Variants in KATNIP observed in about 807,000 individuals in gnomAD.
The protein encoded by KATNIP is katanin-interacting protein.
Under a neutral mutation model 174.0 loss-of-function variants are expected in KATNIP, and 126 were observed. The ratio of observed to expected loss-of-function variants is 0.72; its 90% CI spans 0.63 to 0.84. The LOEUF is 0.84. Ranked by LOEUF, KATNIP falls within the 40% of genes least tolerant of loss-of-function variation. The pLI, the probability that KATNIP is intolerant of heterozygous loss-of-function variation, is 0.00. For synonymous variants in KATNIP, 810 were observed against 835.7 expected (o/e 0.97, Z 0.53); for missense variants, 1,958 against 2,109.7 (o/e 0.93, Z 1.41).
chr16:27,592,023 A>G (rs545112508), intron 2 of KATNIP, among the ~76,000 whole-genome samples: 1 of 152,176 alleles, frequency 6.6e-6, no homozygotes, highest in Non-Finnish European at 1.5e-5. Flanking sequence ...ATCCGCCAAC[A>G]TAATAAACAG....
chr16:27,747,372 G>A (rs1272853483), intron 15 of KATNIP, among the ~76,000 whole-genome samples: 1 of 152,064 alleles, frequency 6.6e-6, no homozygotes, highest in Non-Finnish European at 1.5e-5. Context: ...CGGATGCAAA[G>A]GCCAGAAAGC....
intron 14 of KATNIP, among the ~76,000 whole-genome samples, chr16:27,730,831 G>A (rs2080648610): frequency 6.6e-6 from 1 of 152,188 alleles, no homozygotes; most frequent in Non-Finnish European, 1.5e-5. Flanking sequence ...CCTGCAATGT[G>A]TTCGGTTTTG....
rs147002368 is a variant in KATNIP, at chr16:27,592,551, G to A, written c.63+18595G>A. On this transcript the variant is annotated intron_variant, in intron 2 of 27. Transcript: ENST00000261588. Reference sequence around the variant, plus strand: ...GAAGATCACTTGAGCCCAGGATGTCGAGACTGCAGTGAGCTGAGATCACGC... The same window carrying A: ...GAAGATCACTTGAGCCCAGGATGTCAAGACTGCAGTGAGCTGAGATCACGC... 7.3e-3 allele frequency among the ~76,000 whole-genome samples: 1,106 copies of A among 152,014 alleles called. 11 individuals are homozygous for A. The highest frequency in any genetic ancestry group is 0.025 in the South Asian group (121 of 4,804).
intron 2 of KATNIP, among the ~76,000 whole-genome samples, chr16:27,608,232 T>C (rs1348770545): frequency 1.4e-5 from 2 of 142,958 alleles, no homozygotes; most frequent in African/African-American, 5.2e-5. Flanking sequence ...AATTCTTTTT[T>C]TTTTTTTTTT....
rs749744760 is a variant in KATNIP at position 27,778,584 on chromosome 16, C to T, written c.4812C>T (p.Pro1604=). The T allele has an allele frequency of 9.9e-6, 16 of 1,613,614 alleles. No homozygotes were observed. In the Admixed American group the frequency reaches 2.0e-4, roughly 20 times the overall value. The change falls in exon 28 of 28, where the codon CCC becomes CCT. Residue 1604 remains proline (P), a synonymous_variant. Coordinates refer to ENST00000261588, the MANE Select transcript of KATNIP (RefSeq NM_015202.5). ...KQSVVDPALR[P]KTCISEKETR... is the part of the protein sequence containing the mutation. Reference sequence around the variant, plus strand: ...TCCCTGTCATGACAGCCTTACGTCCCAAAACCTGCATCAGCGAGAAGGAGA... The same window carrying T: ...TCCCTGTCATGACAGCCTTACGTCCTAAAACCTGCATCAGCGAGAAGGAGA...
chr16:27,751,578 A>T, intron 16 of KATNIP, 141 bp from the exon 17 acceptor site: 1 of 689,874 alleles, frequency 1.4e-6, no homozygotes, highest in Non-Finnish European at 2.5e-6. Context: ...ATCTGTGAAG[A>T]CTAATAAGGC....
At chr16:27,604,100 T>C (rs1298678336) in intron 2 of KATNIP, among the ~76,000 whole-genome samples, 1 of 152,114 alleles carries the variant, frequency 6.6e-6, no homozygotes, top group Non-Finnish European at 1.5e-5. Flanking sequence ...TATTTTAATT[T>C]AAAAAACTGA....
At chr16:27,728,698 G>A (rs559836663) in intron 14 of KATNIP, among the ~76,000 whole-genome samples, 2 of 152,194 alleles carry the variant, frequency 1.3e-5, no homozygotes, top group Non-Finnish European at 2.9e-5. Context: ...CCAAAGTGCT[G>A]GGATTTACAG....
chr16:27,634,037 C>T (rs1444671338), intron 5 of KATNIP, among the ~76,000 whole-genome samples: 1 of 152,216 alleles, frequency 6.6e-6, no homozygotes, highest in Non-Finnish European at 1.5e-5. Flanking sequence ...CTTCACTTCT[C>T]ACTTAAGACA....
chr16:27,654,235 C>G (rs2077199902), intron 6 of KATNIP, among the ~76,000 whole-genome samples: 1 of 152,224 alleles, frequency 6.6e-6, no homozygotes, highest in Non-Finnish European at 1.5e-5. Flanking sequence ...CTCAGCCTCC[C>G]AAAGTGCTAG....
intron 8 of KATNIP, among the ~76,000 whole-genome samples, chr16:27,684,156 A>C (rs1286946175): frequency 6.6e-6 from 1 of 152,188 alleles, no homozygotes; most frequent in Non-Finnish European, 1.5e-5. Context: ...CTACATATGT[A>C]ATCTTGCATT....
chr16:27,592,700 A>G (rs1414738964), intron 2 of KATNIP, among the ~76,000 whole-genome samples: 2 of 152,074 alleles, frequency 1.3e-5, no homozygotes, highest in African/African-American at 4.8e-5. Context: ...TCATTGTGAT[A>G]GAGGCACCAT....
chr16:27,777,542 G>C lies in KATNIP; in HGVS notation c.4552-68G>C. The C allele has an allele frequency of 6.8e-7, 1 of 1,468,186 alleles. No homozygotes were observed. The allele number at this position is 1,468,186 out of a possible 1,614,324, so 90.9% of individuals were successfully genotyped here. A position where few individuals can be genotyped will look rare whatever the true frequency, so the allele number is the denominator to read the frequency against. On this transcript the variant is annotated intron_variant, in intron 25 of 27. Coordinates refer to ENST00000261588, the MANE Select transcript of KATNIP (RefSeq NM_015202.5). This position sits in a 1 kb window ranked among gnomAD's most constrained non-coding sequence, Gnocchi z 4.4. ...GAAAGCCTTGGCTCAGAGCAGTAACGCGTTCTGCCCAAGGTCAACGTGGGA... is the reference window on the plus strand; with the variant it reads ...GAAAGCCTTGGCTCAGAGCAGTAACCCGTTCTGCCCAAGGTCAACGTGGGA...
chr16:27,562,283 C>A (rs898959197), intron 1 of KATNIP, among the ~76,000 whole-genome samples: 1 of 152,132 alleles, frequency 6.6e-6, no homozygotes, highest in Admixed American at 6.6e-5. Flanking sequence ...TTGACTCCAG[C>A]CTGGCCGACA....
chr16:27,676,304 G>C (rs1323683534), intron 6 of KATNIP, among the ~76,000 whole-genome samples: 1 of 152,152 alleles, frequency 6.6e-6, no homozygotes, highest in Non-Finnish European at 1.5e-5. Context: ...AGGATTCCCT[G>C]GGCTCCAGTT....
chr16:27,723,341 TC>T (rs1286856941), intron 14 of KATNIP, among the ~76,000 whole-genome samples: 1 of 152,004 alleles, frequency 6.6e-6, no homozygotes, highest in Non-Finnish European at 1.5e-5. Context: ...TGGCTTTCCA[TC>T]CCGTGAACAT....
chr16:27,764,917 A>C (rs1430530252), intron 19 of KATNIP, among the ~76,000 whole-genome samples: 1 of 152,220 alleles, frequency 6.6e-6, no homozygotes, highest in Non-Finnish European at 1.5e-5. Flanking sequence ...CCATCAATTT[A>C]ATAACAGCCT....
chr16:27,679,989 A>C (rs2078269816), intron 7 of KATNIP, among the ~76,000 whole-genome samples: 1 of 152,042 alleles, frequency 6.6e-6, no homozygotes, highest in Non-Finnish European at 1.5e-5. Context: ...CGCACTCAGA[A>C]GTTGCTTATT....
chr16:27,690,718 C>T (rs2078699939), intron 8 of KATNIP, among the ~76,000 whole-genome samples: 1 of 152,192 alleles, frequency 6.6e-6, no homozygotes, highest in Non-Finnish European at 1.5e-5. Flanking sequence ...TACCATTTCC[C>T]TGGACTTTTT....
Sources: gnomAD v4.1 joint callset for allele counts (sites outside exome capture counted in the v4.1 genomes callset) on GRCh38, gnomAD v4.1.1 for gene constraint, Gnocchi (gnomAD v3.1) non-coding constraint, MANE v1.5 for transcripts, NCBI Gene and HGNC (gene_info 2026-07-23, HGNC 2026-07-21) for gene names.